DCC: variants seen among roughly 807,000 people sequenced by gnomAD.
DCC encodes DCC netrin 1 receptor.
Under a neutral mutation model 172.5 loss-of-function variants are expected in DCC, and 58 were observed. The observed-to-expected ratio is 0.34, with a 90% CI of 0.27 to 0.42. The LOEUF (loss-of-function observed/expected upper bound fraction) is 0.42, where lower values mean the gene tolerates loss of function less well. Among genes scored for constraint, DCC ranks in the 10% least tolerant of loss-of-function variants. DCC has a pLI of 1.00. For synonymous variants in DCC, 709 were observed against 644.5 expected (o/e 1.10, Z -1.52); for missense variants, 1,740 against 1,791.0 (o/e 0.97, Z 0.51).
At chr18:53,094,067 G>C (rs1182828675) in intron 7 of DCC, among the ~76,000 whole-genome samples, 1 of 152,188 alleles carries the variant, frequency 6.6e-6, no homozygotes, top group East Asian at 1.9e-4. Context: ...ATTTTAAGAT[G>C]ATACCAATCA....
At chr18:52,979,724 G>A (rs575250454) in intron 5 of DCC, among the ~76,000 whole-genome samples, 2 of 152,220 alleles carry the variant, frequency 1.3e-5, no homozygotes, top group Non-Finnish European at 2.9e-5. Flanking sequence ...TGTACTGAAT[G>A]AGAAGAGCAC....
intron 7 of DCC, among the ~76,000 whole-genome samples, chr18:53,085,098 C>T (rs1485146715): frequency 6.6e-6 from 1 of 152,078 alleles, no homozygotes; most frequent in Non-Finnish European, 1.5e-5. Flanking sequence ...AGAATCCAGC[C>T]TCCAGAACAG....
At chr18:52,613,690 T>C (rs115735026) in intron 1 of DCC, among the ~76,000 whole-genome samples, 2,424 of 152,262 alleles carry the variant, frequency 0.016, 72 homozygotes, top group African/African-American at 0.056. Flanking sequence ...GGTCTAACAC[T>C]TAAATAGCTG....
chr18:53,061,988 A>T (rs1453382304), intron 5 of DCC, among the ~76,000 whole-genome samples: 2 of 152,118 alleles, frequency 1.3e-5, no homozygotes, highest in Non-Finnish European at 2.9e-5. Flanking sequence ...TTCTGCTCAG[A>T]GGTATTCAAG....
chr18:52,702,222 G>T (rs1178969990), intron 1 of DCC, among the ~76,000 whole-genome samples: 1 of 152,088 alleles, frequency 6.6e-6, no homozygotes, highest in Non-Finnish European at 1.5e-5. Flanking sequence ...TTTGAAGGTA[G>T]GTTTGCATAA....
chr18:53,406,582 T>C (rs1320187899), intron 19 of DCC, among the ~76,000 whole-genome samples: 2 of 151,408 alleles, frequency 1.3e-5, no homozygotes, highest in Non-Finnish European at 2.9e-5. Context: ...CAGATGCCTG[T>C]AATCCCAGCT....
At chr18:53,474,269 T>G (rs955819507) in intron 25 of DCC, among the ~76,000 whole-genome samples, 1 of 152,102 alleles carries the variant, frequency 6.6e-6, no homozygotes, top group Non-Finnish European at 1.5e-5. Flanking sequence ...TGGAGTACAA[T>G]GCAGCAATAA....
At chr18:53,280,177 A>G (rs1402761053) in intron 12 of DCC, among the ~76,000 whole-genome samples, 1 of 152,184 alleles carries the variant, frequency 6.6e-6, no homozygotes, top group Non-Finnish European at 1.5e-5. Flanking sequence ...AAATGAATAC[A>G]TGTAAAGCAC....
intron 1 of DCC, among the ~76,000 whole-genome samples, chr18:52,380,602 A>G (rs928291375): frequency 2.0e-5 from 3 of 152,090 alleles, no homozygotes; most frequent in African/African-American, 4.8e-5. Flanking sequence ...AGATTTAACC[A>G]TGAGTTTTAC....
intron 1 of DCC, among the ~76,000 whole-genome samples, chr18:52,402,323 T>C (rs989099296): frequency 6.6e-5 from 10 of 152,040 alleles, no homozygotes; most frequent in South Asian, 2.1e-4. Flanking sequence ...TATTTTACTC[T>C]ATAAACAAGA....
Position 53,348,974 on chromosome 18 carries a change from C to T in DCC, c.2359+9067C>T, listed in dbSNP as rs1383573988. Among the ~76,000 whole-genome samples, 6 of 147,452 alleles carry T rather than the reference C, an allele frequency of 4.1e-5. No individual in the cohort carries two copies. The East Asian group carries it at 1.2e-3, about 28-fold the overall frequency. On this transcript the variant is annotated intron_variant, in intron 15 of 28. Transcript: ENST00000442544. ...CATTGTGTTGGTGATTAATATTTGGCTCCTTGTTACTTATGCAACTTTCTG... is the reference window on the plus strand; with the variant it reads ...CATTGTGTTGGTGATTAATATTTGGTTCCTTGTTACTTATGCAACTTTCTG...
intron 1 of DCC, among the ~76,000 whole-genome samples, chr18:52,408,463 T>C (rs72918820): frequency 6.6e-6 from 1 of 152,018 alleles, no homozygotes; most frequent in African/African-American, 2.4e-5. Flanking sequence ...TTTAGAAATA[T>C]GAGATAAGTT....
chr18:52,440,535 A>G (rs1442295314), intron 1 of DCC, among the ~76,000 whole-genome samples: 2 of 152,158 alleles, frequency 1.3e-5, no homozygotes, highest in Non-Finnish European at 2.9e-5. Flanking sequence ...AACAATGGAG[A>G]GATGAGTTGA....
intron 2 of DCC, among the ~76,000 whole-genome samples, chr18:52,787,977 G>C (rs2037690102): frequency 6.6e-6 from 1 of 152,054 alleles, no homozygotes; most frequent in African/African-American, 2.4e-5. Flanking sequence ...GGTGAAATCT[G>C]TACAAGCCTT....
intron 2 of DCC, among the ~76,000 whole-genome samples, chr18:52,888,109 CT>C (rs1187991990): frequency 6.6e-6 from 1 of 152,154 alleles, no homozygotes; most frequent in Non-Finnish European, 1.5e-5. Context: ...ATTGAAAATA[CT>C]TTTTCATCTA....
intron 2 of DCC, among the ~76,000 whole-genome samples, chr18:52,830,481 CTGAGT>C (rs1390829423): frequency 4.6e-5 from 7 of 152,064 alleles, no homozygotes; most frequent in Admixed American, 1.3e-4. Context: ...CCTCTGGCTG[CTGAGT>C]TGAGAATAGT....
intron 2 of DCC, among the ~76,000 whole-genome samples, chr18:52,855,632 A>C (rs1015883346): frequency 2.0e-5 from 3 of 152,222 alleles, no homozygotes; most frequent in Non-Finnish European, 4.4e-5. Flanking sequence ...AATAGAAATA[A>C]TCACTTGTAC....
intron 25 of DCC, among the ~76,000 whole-genome samples, chr18:53,476,130 A>G (rs898309400): frequency 6.6e-6 from 1 of 152,146 alleles, no homozygotes; most frequent in African/African-American, 2.4e-5. Context: ...ACCCCATTTT[A>G]TATAGGAAGT....
intron 8 of DCC, among the ~76,000 whole-genome samples, chr18:53,177,971 GTCCAAA>G (rs2055134741): frequency 6.6e-6 from 1 of 152,224 alleles, no homozygotes; most frequent in East Asian, 1.9e-4. Flanking sequence ...TTTTAAATAT[GTCCAAA>G]ACCAAAACAT....
Sources: gnomAD v4.1 joint callset for allele counts (sites outside exome capture counted in the v4.1 genomes callset) on GRCh38, gnomAD v4.1.1 for gene constraint, MANE v1.5 for transcripts, NCBI Gene and HGNC (gene_info 2026-07-23, HGNC 2026-07-21) for gene names.